Variants in SLIT3 observed in about 807,000 individuals in gnomAD.
The protein encoded by SLIT3 is slit homolog 3 protein.
A neutral mutation model predicts 184.0 loss-of-function variants in SLIT3; 68 were observed. The observed-to-expected ratio is 0.37, with a 90% CI of 0.30 to 0.45. The LOEUF (loss-of-function observed/expected upper bound fraction) is 0.45, where lower values mean the gene tolerates loss of function less well. Ranked by LOEUF, SLIT3 falls within the 20% of genes least tolerant of loss-of-function variation. The pLI is 1.00. For missense variants in SLIT3, 1,707 were observed against 2,026.0 expected, an observed-to-expected ratio of 0.84 and a Z score of 3.02; for synonymous variants, 831 against 828.6, an observed-to-expected ratio of 1.00 and a Z score of -0.05.
Position 168,661,943 on chromosome 5 carries a change from GC to G in SLIT3, c.*4510del, listed in dbSNP as rs1760866970. 6.6e-6 allele frequency: 1 copy of G among 152,182 alleles called. No homozygotes were observed. The highest frequency in any genetic ancestry group is 6.5e-5 in the Admixed American group (1 of 15,272). 9.4% of individuals were successfully genotyped at this position (152,182 alleles called of 1,614,324 possible). A position where few individuals can be genotyped will look rare whatever the true frequency, so the allele number is the denominator to read the frequency against. ...TCATTGAATTAGAAAAGCAAGCTTT[GC>G]CAAATGCCTGATTATGCCTTTACTG... On this transcript the variant is annotated 3_prime_UTR_variant, in exon 36 of 36. Coordinates refer to ENST00000519560, the MANE Select transcript of SLIT3 (RefSeq NM_003062.4).
intron 4 of SLIT3, among the ~76,000 whole-genome samples, chr5:169,043,197 C>T (rs557695858): frequency 1.3e-5 from 2 of 152,158 alleles, no homozygotes; most frequent in African/African-American, 2.4e-5. Context: ...ATACAGCCAG[C>T]GCAGACCTGG....
intron 26 of SLIT3, among the ~76,000 whole-genome samples, chr5:168,705,394 TACTC>T (rs1350008630): frequency 2.0e-5 from 3 of 152,196 alleles, no homozygotes; most frequent in East Asian, 3.8e-4. Context: ...ACATAGTAGA[TACTC>T]AATAAATGCT....
intron 23 of SLIT3, among the ~76,000 whole-genome samples, chr5:168,715,625 G>A (rs1427141297): frequency 6.6e-6 from 1 of 152,222 alleles, no homozygotes. Flanking sequence ...GCCTGAGAAT[G>A]AAATCCACTT....
intron 3 of SLIT3, among the ~76,000 whole-genome samples, chr5:169,228,428 G>T (rs927227573): frequency 4.6e-5 from 7 of 152,136 alleles, no homozygotes; most frequent in African/African-American, 1.4e-4. Context: ...AAGGAGTGAC[G>T]ACTGCCCGGA....
intron 4 of SLIT3, among the ~76,000 whole-genome samples, chr5:168,998,403 G>A (rs1755584984): frequency 6.6e-6 from 1 of 152,132 alleles, no homozygotes; most frequent in African/African-American, 2.4e-5. Flanking sequence ...AGTAAACTTT[G>A]AAGGTTAGAA....
chr5:168,820,501 G>A (rs1458239629), intron 7 of SLIT3, among the ~76,000 whole-genome samples: 1 of 152,220 alleles, frequency 6.6e-6, no homozygotes, highest in African/African-American at 2.4e-5. Flanking sequence ...GAAGTGCTTA[G>A]TACAAGGCCT....
intron 5 of SLIT3, among the ~76,000 whole-genome samples, chr5:168,856,956 G>A (rs974897781): frequency 1.3e-5 from 2 of 152,040 alleles, no homozygotes; most frequent in Admixed American, 6.5e-5. Context: ...GGCTACGGAC[G>A]TGCGACGGCT....
chr5:168,673,396 T>A, intron 32 of SLIT3, 65 bp from the exon 33 acceptor site: 1 of 1,460,284 alleles, frequency 6.8e-7, no homozygotes, highest in Non-Finnish European at 9.5e-7. Context: ...CTGGGCCCTG[T>A]GCTGTGGACT....
chr5:169,058,389 G>T (rs1482213678), intron 4 of SLIT3, among the ~76,000 whole-genome samples: 1 of 152,192 alleles, frequency 6.6e-6, no homozygotes, highest in Non-Finnish European at 1.5e-5. Context: ...CCATTGGAAA[G>T]GCTTAGTTAG....
chr5:169,164,781 A>G (rs934886523), intron 4 of SLIT3, among the ~76,000 whole-genome samples: 3 of 152,312 alleles, frequency 2.0e-5, no homozygotes, highest in South Asian at 4.1e-4. Flanking sequence ...TTTCCACTTC[A>G]ATTAAACTGC....
chr5:168,915,155 G>A (rs1417659354), intron 4 of SLIT3, among the ~76,000 whole-genome samples: 3 of 152,014 alleles, frequency 2.0e-5, no homozygotes, highest in Admixed American at 6.6e-5. Context: ...TGTACTTCAC[G>A]GTAACCACAT....
At chr5:168,959,572 A>G (rs1406838953) in intron 4 of SLIT3, among the ~76,000 whole-genome samples, 1 of 152,206 alleles carries the variant, frequency 6.6e-6, no homozygotes, top group Non-Finnish European at 1.5e-5. Context: ...CACCTGTCAC[A>G]GGCCCCGCCT....
In SLIT3 at chr5:168,762,561, G is replaced by C. The variant is rs775204833; in HGVS notation, c.1588C>G (p.Leu530Val). 21 of 1,613,994 alleles carry C rather than the reference G, an allele frequency of 1.3e-5. No individual in the cohort carries two copies. The highest frequency in any genetic ancestry group is 1.8e-5 in the Non-Finnish European group (21 of 1,179,902). The change falls in exon 15 of 36, where the codon CTC (leucine) becomes GTC (valine). Residue 530 changes from leucine (L) to valine (V), a missense_variant. Transcript: ENST00000519560. ...NQKLVRIPSH[L>V]PEYVTDLRLN... ...TACAGGTCGGTGACATATTCAGGGAGGTGGCTTGGGATGCGGACCAGCTTC... is the reference window on the plus strand; with the variant it reads ...TACAGGTCGGTGACATATTCAGGGACGTGGCTTGGGATGCGGACCAGCTTC...
rs186552494 is a variant in SLIT3 at position 169,126,988 on chromosome 5, C to G, written c.413+66491G>C. 4.6e-5 allele frequency among the ~76,000 whole-genome samples: 7 copies of G among 151,054 alleles called. No homozygotes were observed. The East Asian group carries it at 1.2e-3, about 25-fold the overall frequency. On this transcript the variant is annotated intron_variant, in intron 4 of 35. Coordinates refer to ENST00000519560, the MANE Select transcript of SLIT3 (RefSeq NM_003062.4). ...AAAGTCTGCACTGACTTCAAGGCCT[C>G]AAGTAATTTATCCAAAAGATTCCCC...
chr5:169,272,184 A>C (rs1766650763), intron 1 of SLIT3, among the ~76,000 whole-genome samples: 2 of 152,192 alleles, frequency 1.3e-5, no homozygotes, highest in Admixed American at 1.3e-4. Context: ...CCTTCATGTC[A>C]CATTTGGAGG....
intron 4 of SLIT3, among the ~76,000 whole-genome samples, chr5:169,098,859 GGAA>G (rs1356902129): frequency 8.5e-5 from 13 of 152,142 alleles, no homozygotes; most frequent in Admixed American, 7.2e-4. Flanking sequence ...AGAAGCCGGA[GGAA>G]TTCTACTGAT....
rs1767656523 is a variant in SLIT3 at position 169,300,715 on chromosome 5, G to T, written c.-6C>A. ...CCTGCCCACCCGGGGGCCATGGTGT[G>T]CAGGGCCCCGCTCCTGGAGGAGGCT... On this transcript the variant is annotated 5_prime_UTR_variant, in exon 1 of 36. Transcript: ENST00000519560. This position sits in a 1 kb window ranked among gnomAD's most constrained non-coding sequence, Gnocchi z 4.1. 2.3e-6 allele frequency: 3 copies of T among 1,327,882 alleles called. No homozygotes were observed. The highest frequency in any genetic ancestry group is 1.5e-5 in the African/African-American group (1 of 64,700). 82.3% of individuals were successfully genotyped at this position (1,327,882 alleles called of 1,614,324 possible).
intron 3 of SLIT3, among the ~76,000 whole-genome samples, chr5:169,237,796 T>C (rs1765255355): frequency 6.6e-6 from 1 of 152,170 alleles, no homozygotes; most frequent in Non-Finnish European, 1.5e-5. Context: ...TTAAATCTCT[T>C]TGTATATTTT....
intron 4 of SLIT3, among the ~76,000 whole-genome samples, chr5:169,109,969 C>T (rs143712401): frequency 5.9e-5 from 9 of 152,286 alleles, no homozygotes; most frequent in Non-Finnish European, 1.0e-4. Context: ...TTTTCATCCT[C>T]ATGGAGCGTC....
Sources: allele counts gnomAD v4.1 joint callset (sites outside exome capture counted in the v4.1 genomes callset), GRCh38; gene constraint gnomAD v4.1.1; non-coding constraint Gnocchi (gnomAD v3.1); transcripts MANE v1.5; gene names NCBI Gene and HGNC (gene_info 2026-07-23, HGNC 2026-07-21).